Variants in PCDHGB1 observed in about 807,000 individuals in gnomAD.
The protein encoded by PCDHGB1 is protocadherin gamma subfamily B, 1.
Under a neutral mutation model 56.6 loss-of-function variants are expected in PCDHGB1, and 34 were observed. That is an observed-to-expected ratio of 0.60 (90% CI 0.46 to 0.80). PCDHGB1 has a LOEUF of 0.80. PCDHGB1 is among the 30% of genes least tolerant of loss of function. The pLI is 0.00. For missense variants in PCDHGB1, 1,278 were observed against 1,204.6 expected, an observed-to-expected ratio of 1.06 and a Z score of -0.90; for synonymous variants, 561 against 505.9, an observed-to-expected ratio of 1.11 and a Z score of -1.46.
chr5:141,364,567 G>C, intron 1 of PCDHGB1: 1 of 1,614,130 alleles, frequency 6.2e-7, no homozygotes, highest in Non-Finnish European at 8.5e-7. Flanking sequence ...CCCTGAACCC[G>C]CGAAGCGGCA....
At chr5:141,390,217 T>C (rs373008153) in intron 1 of PCDHGB1, 21 of 1,613,944 alleles carry the variant, frequency 1.3e-5, no homozygotes, top group Non-Finnish European at 1.8e-5. Flanking sequence ...CAAGACATAC[T>C]TTGCGGTGAT....
intron 1 of PCDHGB1, chr5:141,415,715 T>A: frequency 7.0e-7 from 1 of 1,428,190 alleles, no homozygotes; most frequent in Non-Finnish European, 9.3e-7. Flanking sequence ...AAAACACTGA[T>A]GAGTAGAATT....
chr5:141,492,164 C>T (rs1180358388), intron 1 of PCDHGB1, among the ~76,000 whole-genome samples: 2 of 152,230 alleles, frequency 1.3e-5, no homozygotes, highest in East Asian at 1.9e-4. Context: ...CTCCCTATCC[C>T]CGCATCACCC....
At chr5:141,362,337 G>A (rs1427946094) in intron 1 of PCDHGB1, 2 of 1,614,084 alleles carry the variant, frequency 1.2e-6, no homozygotes, top group East Asian at 2.2e-5. Context: ...TCAGCTCCAA[G>A]CCTGGACCTG....
chr5:141,410,153 C>G (rs200651346), intron 1 of PCDHGB1: 9 of 1,612,786 alleles, frequency 5.6e-6, no homozygotes. Context: ...TGACGGTGGA[C>G]AGCCGCCACT....
At chr5:141,381,975 G>A (rs1408994703) in intron 1 of PCDHGB1, among the ~76,000 whole-genome samples, 4 of 151,294 alleles carry the variant, frequency 2.6e-5, no homozygotes, top group South Asian at 2.1e-4. Flanking sequence ...GATTACAGGC[G>A]CGCGCCACCA....
chr5:141,449,718 G>A (rs2098653155), intron 1 of PCDHGB1, among the ~76,000 whole-genome samples: 2 of 150,760 alleles, frequency 1.3e-5, no homozygotes, highest in Admixed American at 6.6e-5. Flanking sequence ...ATTTTTATAT[G>A]ATATGATTTT....
chr5:141,371,239 T>A (rs1319098085), intron 1 of PCDHGB1: 2 of 1,614,010 alleles, frequency 1.2e-6, no homozygotes, highest in East Asian at 2.2e-5. Flanking sequence ...TATGCCTTCA[T>A]CAATATTGGC....
chr5:141,412,998 T>G, intron 1 of PCDHGB1: 1 of 586,036 alleles, frequency 1.7e-6, no homozygotes, highest in Non-Finnish European at 2.9e-6. Context: ...ATCCGGATTC[T>G]CAGGGCTTCA....
intron 1 of PCDHGB1, chr5:141,415,098 G>T (rs578221269): frequency 1.9e-5 from 31 of 1,613,588 alleles, no homozygotes; most frequent in African/African-American, 1.7e-4. Flanking sequence ...ACAGAGACGC[G>T]CTCAAGCAAA....
chr5:141,413,926 T>C, intron 1 of PCDHGB1: 4 of 1,613,380 alleles, frequency 2.5e-6, no homozygotes, highest in Non-Finnish European at 3.4e-6. Flanking sequence ...CTTGCCAGAA[T>C]ACCGAGTGAG....
chr5:141,441,865 G>T, intron 1 of PCDHGB1: 1 of 345,726 alleles, frequency 2.9e-6, no homozygotes. Context: ...GCACGCCGCG[G>T]AGCCTGGCTA....
intron 1 of PCDHGB1, chr5:141,426,776 C>G (rs1258505646): frequency 2.2e-6 from 1 of 456,584 alleles, no homozygotes; most frequent in Admixed American, 2.3e-5. Flanking sequence ...TAGGGCCTCA[C>G]TCTCTCCAGA....
At chr5:141,404,759 T>G (rs1466446291) in intron 1 of PCDHGB1, 1 of 1,613,632 alleles carries the variant, frequency 6.2e-7, no homozygotes, top group Admixed American at 1.7e-5. Flanking sequence ...CCAGAATGCT[T>G]GGCTCTCCTA....
intron 1 of PCDHGB1, chr5:141,365,043 A>AT (rs1763697788): frequency 1.2e-6 from 2 of 1,613,696 alleles, no homozygotes; most frequent in African/African-American, 2.7e-5. Context: ...GCAAACGACA[A>AT]TGCGCCCCTG....
chr5:141,361,388 A>G (rs373182240), intron 1 of PCDHGB1: 1 of 1,613,880 alleles, frequency 6.2e-7, no homozygotes, highest in Non-Finnish European at 8.5e-7. Context: ...ATCCCAGAAT[A>G]CAATCTCACC....
At chr5:141,501,334 C>CA (rs2099808390) in intron 2 of PCDHGB1, among the ~76,000 whole-genome samples, 1 of 145,376 alleles carries the variant, frequency 6.9e-6, no homozygotes, top group Non-Finnish European at 1.5e-5. Flanking sequence ...CACACACACA[C>CA]CCCAAACTCA....
intron 1 of PCDHGB1, chr5:141,392,581 C>T: frequency 2.2e-6 from 1 of 463,442 alleles, no homozygotes; most frequent in Non-Finnish European, 3.8e-6. Context: ...GGACTGTAAG[C>T]GCCGCTGTTC....
chr5:141,375,048 G>A (rs1457528416), intron 1 of PCDHGB1: 4 of 1,614,022 alleles, frequency 2.5e-6, no homozygotes, highest in South Asian at 1.1e-5. Flanking sequence ...GTTGAAGCCC[G>A]GGATGGGCCA....
Sources: gnomAD v4.1 joint callset for allele counts (sites outside exome capture counted in the v4.1 genomes callset) on GRCh38, gnomAD v4.1.1 for gene constraint, MANE v1.5 for transcripts, NCBI Gene and HGNC (gene_info 2026-07-23, HGNC 2026-07-21) for gene names.